The following PIWIL4 variants were observed in gnomAD, a reference collection of about 807,000 sequenced individuals.
PIWIL4 encodes piwi like RNA-mediated gene silencing 4, also known as piwi-like protein 4.
A neutral mutation model predicts 100.9 loss-of-function variants in PIWIL4; 50 were observed. The ratio of observed to expected loss-of-function variants is 0.50; its 90% CI spans 0.39 to 0.63. The LOEUF (loss-of-function observed/expected upper bound fraction) is 0.63. Ranked by LOEUF, PIWIL4 falls within the 20% of genes least tolerant of loss-of-function variation. The probability of loss-of-function intolerance (pLI) is 0.00; values close to 1 mark genes in which losing one functional copy is unlikely to be tolerated. For missense variants in PIWIL4, 887 were observed against 1,043.3 expected, an observed-to-expected ratio of 0.85 and a Z score of 2.06; for synonymous variants, 342 against 367.5, an observed-to-expected ratio of 0.93 and a Z score of 0.79.
rs1004498475 is a variant in PIWIL4 at position 94,568,799 on chromosome 11, T to C, written c.157T>C (p.Ser53Pro). 1.9e-6 allele frequency: 3 copies of C among 1,599,472 alleles called. No homozygotes were observed. The highest frequency in any genetic ancestry group is 2.7e-5 in the African/African-American group (2 of 74,684). Residue 53 changes from serine to proline, a missense_variant, in exon 2 of 20, where the codon TCA becomes CCA. Physicochemically the swap from Ser to Pro is moderately conservative, Grantham distance 74. Coordinates refer to ENST00000299001, the MANE Select transcript of PIWIL4 (RefSeq NM_152431.3). The part of the protein sequence containing the change: ...SNGFLGTSRI[S>P]TNDKYGISSG... ...TGGCTTCTTGGGAACAAGCAGGATC[T>C]CAACCAACGGTAAGTGCAGCTCAGC...
chr11:94,568,848 C>A (rs1591770520), intron 2 of PIWIL4, 40 bp downstream of exon 2: 1 of 1,520,136 alleles, frequency 6.6e-7, no homozygotes, highest in Non-Finnish European at 9.1e-7. Flanking sequence ...ACCATTCAAC[C>A]TGAATGGAGC....
rs57607909 is a variant in PIWIL4 at position 94,593,599 on chromosome 11, G to C, written c.1108G>C (p.Ala370Pro). The change falls in exon 9 of 20, where the codon GCT (alanine) becomes CCT (proline). Residue 370 changes from alanine (A) to proline (P), a missense_variant. Physicochemically the swap from Ala to Pro is conservative, Grantham distance 27 (BLOSUM62 -1). This residue lies in a region of PIWIL4 where 741 missense variants were observed against 930.0 expected (regional missense o/e 0.80). Transcript: ENST00000299001. ...LKKKRNDNSE[A>P]QLAHLIPELC... is the part of the protein sequence containing the mutation. ...GAAGAAGAGAAATGACAACAGTGAG[G>C]CTCAGCTCGCCCACCTGATACCTGA... 0.22 allele frequency: 356,212 copies of C among 1,613,334 alleles called. 40,995 individuals carry two copies. The highest frequency in any genetic ancestry group is 0.28 in the African/African-American group (21,239 of 74,902).
intron 15 of PIWIL4, among the ~76,000 whole-genome samples, chr11:94,613,019 G>C: frequency 6.6e-6 from 1 of 152,076 alleles, no homozygotes; most frequent in East Asian, 1.9e-4. Context: ...CAGTATTAGA[G>C]TATTTTGAAT....
intron 7 of PIWIL4, 73 bp from the exon 8 acceptor site, chr11:94,589,048 T>G: frequency 9.6e-7 from 1 of 1,042,864 alleles, no homozygotes; most frequent in Non-Finnish European, 1.4e-6. Context: ...ATGTGTTGAA[T>G]TAAAAGTGTG....
chr11:94,567,476 G>C lies in PIWIL4; in HGVS notation c.-43G>C. 1 of 1,485,256 alleles carries C rather than the reference G, an allele frequency of 6.7e-7. No individual in the cohort carries two copies. Among genetic ancestry groups the C allele is most frequent in the Non-Finnish European group, 9.0e-7 (1 of 1,106,228 alleles). 92.0% of individuals were successfully genotyped at this position (1,485,256 alleles called of 1,614,324 possible). A position where few individuals can be genotyped will look rare whatever the true frequency, so the allele number is the denominator to read the frequency against. On this transcript the variant is annotated 5_prime_UTR_variant, in exon 1 of 20. Transcript: ENST00000299001. Reference sequence around the variant, plus strand: ...AGCCAAAGCAAAACATATCCTAACTGAGACTTTGCAGCTCTTGTGGCCACT... The same window carrying C: ...AGCCAAAGCAAAACATATCCTAACTCAGACTTTGCAGCTCTTGTGGCCACT...
At chr11:94,580,614 C>T (rs751574096) in intron 4 of PIWIL4, among the ~76,000 whole-genome samples, 1 of 149,364 alleles carries the variant, frequency 6.7e-6, no homozygotes, top group Non-Finnish European at 1.5e-5. Flanking sequence ...AGTACTTGTT[C>T]TCCAAAATTT....
At chr11:94,607,758 G>GC in intron 14 of PIWIL4, 119 bp downstream of exon 14, 1 of 1,086,768 alleles carries the variant, frequency 9.2e-7, no homozygotes, top group Non-Finnish European at 1.3e-6. Flanking sequence ...TTGAGCCTTT[G>GC]CCCTGGGTTC....
Position 94,595,337 on chromosome 11 carries a change from C to T in PIWIL4, c.1179C>T (p.Phe393=). 1.2e-6 allele frequency: 2 copies of T among 1,613,972 alleles called. No homozygotes were observed. The highest frequency in any genetic ancestry group is 1.7e-6 in the Non-Finnish European group (2 of 1,179,864). Residue 393 remains phenylalanine (F), a synonymous_variant, in exon 10 of 20, where the codon TTC becomes TTT. Coordinates refer to ENST00000299001, the MANE Select transcript of PIWIL4 (RefSeq NM_152431.3). ...TGACTGACCAGGCAACATCTGATTT[C>T]CAGCTGATGAAGGCTGTGGCTGAAA... ...TGLTDQATSD[F]QLMKAVAEKT...
Position 94,620,986 on chromosome 11 carries a change from C to T in PIWIL4, c.2553C>T (p.Tyr851=). The change falls in exon 20 of 20, where the codon TAC becomes TAT. Residue 851 remains tyrosine (Y), a synonymous_variant. Transcript: ENST00000299001. ...TGGAATTAGCCAACCATCTCTTCTA[C>T]CTGTGATGGCATGAACTACTGGCAT... ...PSLELANHLF[Y]L The T allele has an allele frequency of 6.2e-7, 1 of 1,606,064 alleles. No homozygotes were observed. Among genetic ancestry groups the T allele is most frequent in the Non-Finnish European group, 8.5e-7 (1 of 1,172,984 alleles).
At chr11:94,574,184 G>C (rs1411155129) in intron 2 of PIWIL4, among the ~76,000 whole-genome samples, 1 of 152,186 alleles carries the variant, frequency 6.6e-6, no homozygotes, top group African/African-American at 2.4e-5. Context: ...TTTTCTAGAA[G>C]CTGTCAGTAA....
At chr11:94,581,090 C>T (rs371193607) in intron 4 of PIWIL4, among the ~76,000 whole-genome samples, 5 of 151,828 alleles carry the variant, frequency 3.3e-5, no homozygotes, top group South Asian at 2.1e-4. Flanking sequence ...AGTAGAGACG[C>T]GGTTTCACCA....
At chr11:94,608,742 T>C (rs1948754703) in intron 15 of PIWIL4, 56 bp downstream of exon 15, 25 of 1,446,302 alleles carry the variant, frequency 1.7e-5, no homozygotes, top group Non-Finnish European at 2.4e-5. Flanking sequence ...TTAATTGTGG[T>C]TTCACTAAAG....
rs1948221816 is a variant in PIWIL4, at chr11:94,575,266, A to G, written c.298+136A>G. On this transcript the variant is annotated intron_variant, in intron 3 of 19. Coordinates refer to ENST00000299001, the MANE Select transcript of PIWIL4 (RefSeq NM_152431.3). ...ACTGATTGTCTTCTATGTTCAAGGC[A>G]CTGTTAGACGCTTTAATTTTCTAGC... The G allele has an allele frequency of 1.1e-5, 9 of 848,174 alleles. 1 individual carries two copies. In the Admixed American group the frequency reaches 2.4e-4, roughly 23 times the overall value. The allele number at this position is 848,174 out of a possible 1,614,324, so 52.5% of individuals were successfully genotyped here.
intron 15 of PIWIL4, among the ~76,000 whole-genome samples, chr11:94,612,941 A>G (rs1429011007): frequency 1.3e-5 from 2 of 152,192 alleles, no homozygotes; most frequent in African/African-American, 2.4e-5. Context: ...TTATGTAGCT[A>G]TATTTTAAAA....
At chr11:94,607,066 A>AG (rs1948730550) in intron 13 of PIWIL4, among the ~76,000 whole-genome samples, 1 of 152,172 alleles carries the variant, frequency 6.6e-6, no homozygotes, top group Non-Finnish European at 1.5e-5. Context: ...ACCATAGGAA[A>AG]GGATCACTGC....
intron 17 of PIWIL4, among the ~76,000 whole-genome samples, chr11:94,619,179 A>G (rs1169703001): frequency 3.3e-5 from 5 of 152,240 alleles, no homozygotes; most frequent in African/African-American, 1.2e-4. Flanking sequence ...CAGAGGATGT[A>G]AGGATGCCTT....
In PIWIL4 at chr11:94,604,032, A is replaced by G; in HGVS notation, c.1614A>G (p.Gln538=). ...CTGCATTTGTTAGAGCTATACAGCA[A>G]TATGTTGATCCTGATGTTCAGCTGG... ...NPAAFVRAIQ[Q]YVDPDVQLVM... is the part of the protein sequence containing the mutation. Residue 538 remains glutamine (Q), a synonymous_variant, in exon 13 of 20, where the codon CAA becomes CAG. Transcript: ENST00000299001. 6.2e-7 allele frequency: 1 copy of G among 1,606,348 alleles called. No individual in the cohort carries two copies. Among genetic ancestry groups the G allele is most frequent in the East Asian group, 2.2e-5 (1 of 44,656 alleles).
rs201373421 is a variant in PIWIL4 at position 94,595,439 on chromosome 11, C to G, written c.1268+13C>G. Reference sequence around the variant, plus strand: ...ACAACATCCAGAGGTACTGGATCACCGCATGCATCCTTCCTGGGGCTGAGT... The same window carrying G: ...ACAACATCCAGAGGTACTGGATCACGGCATGCATCCTTCCTGGGGCTGAGT... On this transcript the variant is annotated intron_variant, in intron 10 of 19. Transcript: ENST00000299001. 6.3e-7 allele frequency: 1 copy of G among 1,592,116 alleles called. No individual in the cohort carries two copies. Among genetic ancestry groups the G allele is most frequent in the Admixed American group, 1.7e-5 (1 of 59,316 alleles).
intron 12 of PIWIL4, among the ~76,000 whole-genome samples, chr11:94,603,755 T>C (rs1172919263): frequency 6.6e-6 from 1 of 152,222 alleles, no homozygotes; most frequent in Non-Finnish European, 1.5e-5. Flanking sequence ...TGAGAAGATC[T>C]GATTTTCTAC....
Sources: gnomAD v4.1 joint callset for allele counts (sites outside exome capture counted in the v4.1 genomes callset) on GRCh38, gnomAD v4.1.1 for gene constraint, gnomAD v4.1.1 regional missense constraint, MANE v1.5 for transcripts, NCBI Gene and HGNC (gene_info 2026-07-23, HGNC 2026-07-21) for gene names.